COL8A1: variants seen among roughly 807,000 people sequenced by gnomAD.
COL8A1 encodes collagen type VIII alpha 1 chain.
In COL8A1, 21 loss-of-function variants were observed where a neutral mutation model predicts 42.7. That is an observed-to-expected ratio of 0.49 (90% CI 0.35 to 0.71). The LOEUF (loss-of-function observed/expected upper bound fraction) is 0.71. COL8A1 is among the 30% of genes least tolerant of loss of function. COL8A1 has a pLI of 0.01. For missense variants in COL8A1, 788 were observed against 962.4 expected (o/e 0.82, Z 2.40); for synonymous variants, 367 against 369.1 (o/e 0.99, Z 0.06).
At chr3:99,662,600 A>C (rs1938242137) in intron 1 of COL8A1, among the ~76,000 whole-genome samples, 2 of 152,190 alleles carry the variant, frequency 1.3e-5, no homozygotes, top group Admixed American at 6.5e-5. Flanking sequence ...TATAATGACT[A>C]TCAGATTACT....
At chr3:99,719,828 C>T (rs1036387866) in intron 1 of COL8A1, among the ~76,000 whole-genome samples, 1 of 152,024 alleles carries the variant, frequency 6.6e-6, no homozygotes, top group African/African-American at 2.4e-5. Context: ...GGGACCTGGA[C>T]TTAGATTCTA....
chr3:99,785,993 A>T (rs1334385530), intron 2 of COL8A1, among the ~76,000 whole-genome samples: 2 of 152,130 alleles, frequency 1.3e-5, no homozygotes, highest in African/African-American at 4.8e-5. Flanking sequence ...AGAATTCAAA[A>T]TGAGGTCAGG....
chr3:99,772,735 C>A (rs1296698265), intron 2 of COL8A1, among the ~76,000 whole-genome samples: 2 of 152,118 alleles, frequency 1.3e-5, no homozygotes, highest in African/African-American at 4.8e-5. Flanking sequence ...CCCCAAGCAG[C>A]ATGATGGGGA....
chr3:99,670,162 A>G (rs2107311962), intron 1 of COL8A1, among the ~76,000 whole-genome samples: 1 of 152,256 alleles, frequency 6.6e-6, no homozygotes, highest in East Asian at 1.9e-4. Flanking sequence ...ACAAGGTAGC[A>G]TTAAACTGAC....
chr3:99,672,388 G>C (rs1337698875), intron 1 of COL8A1, among the ~76,000 whole-genome samples: 1 of 151,716 alleles, frequency 6.6e-6, no homozygotes, highest in East Asian at 1.9e-4. Flanking sequence ...AACTTCTCCT[G>C]TATTTTCCAT....
In COL8A1 at chr3:99,747,801, C is replaced by T. The variant is rs58938200; in HGVS notation, c.-4+2780C>T. Among the ~76,000 whole-genome samples, 516 of 152,260 alleles carry T rather than the reference C, an allele frequency of 3.4e-3. 5 individuals carry two copies. The highest frequency in any genetic ancestry group is 0.012 in the African/African-American group (492 of 41,554). On this transcript the variant is annotated intron_variant, in intron 2 of 3. Coordinates refer to ENST00000652472, the MANE Select transcript of COL8A1 (RefSeq NM_020351.4). Reference sequence around the variant, plus strand: ...ACTTGTTACTGCCACTGTCTTCCTTCCTCAATTTTTTAAAATAAAAAGACT... The same window carrying T: ...ACTTGTTACTGCCACTGTCTTCCTTTCTCAATTTTTTAAAATAAAAAGACT...
chr3:99,795,576 C>T lies in COL8A1; in HGVS notation c.1675C>T (p.Pro559Ser), dbSNP rs764448644. 5 of 1,609,974 alleles carry T rather than the reference C, an allele frequency of 3.1e-6. No homozygotes were observed. The highest frequency in any genetic ancestry group is 4.2e-6 in the Non-Finnish European group (5 of 1,177,750). Residue 559 changes from proline to serine, a missense_variant, in exon 4 of 4, where the codon CCA becomes TCA. Around this residue, in one of 4 missense-constraint regions of COL8A1, gnomAD observed 154 missense variants for 182.3 expected, o/e 0.84. Coordinates refer to ENST00000652472, the MANE Select transcript of COL8A1 (RefSeq NM_020351.4). ...ALGPQGQPGLPGPPGPPGPPG... is the reference protein window; with the variant it reads ...ALGPQGQPGLSGPPGPPGPPG... ...TGGTCCTCAAGGCCAGCCTGGCCTT[C>T]CAGGACCCCCAGGCCCTCCAGGACC...
intron 1 of COL8A1, among the ~76,000 whole-genome samples, chr3:99,656,925 C>T (rs774402280): frequency 2.6e-5 from 4 of 152,202 alleles, no homozygotes; most frequent in Non-Finnish European, 5.9e-5. Context: ...CATTGAAGCC[C>T]TTTTGTGTTG....
At chr3:99,754,299 A>C (rs1345496606) in intron 2 of COL8A1, among the ~76,000 whole-genome samples, 1 of 152,244 alleles carries the variant, frequency 6.6e-6, no homozygotes, top group Non-Finnish European at 1.5e-5. Flanking sequence ...CATAGTTTAC[A>C]TAGCTATGTA....
intron 1 of COL8A1, among the ~76,000 whole-genome samples, chr3:99,725,760 C>A (rs1324375718): frequency 6.6e-6 from 1 of 151,972 alleles, no homozygotes. Context: ...TTTTTTATGG[C>A]TGCATACTAT....
chr3:99,680,228 G>C (rs1219729197), intron 1 of COL8A1: 1 of 151,324 alleles, frequency 6.6e-6, no homozygotes, highest in East Asian at 1.9e-4. Flanking sequence ...TCCCACCTAT[G>C]AGTGAGAACA....
At chr3:99,769,951 A>G (rs536393080) in intron 2 of COL8A1, among the ~76,000 whole-genome samples, 1 of 152,286 alleles carries the variant, frequency 6.6e-6, no homozygotes, top group South Asian at 2.1e-4. Flanking sequence ...TTGACAAGAG[A>G]AAATCATACA....
chr3:99,695,601 C>CG (rs1939342962), intron 1 of COL8A1, among the ~76,000 whole-genome samples: 3 of 151,738 alleles, frequency 2.0e-5, no homozygotes, highest in African/African-American at 7.3e-5. Flanking sequence ...TCTCTCTCTC[C>CG]GTCTTTCCCT....
intron 1 of COL8A1, among the ~76,000 whole-genome samples, chr3:99,734,827 G>T (rs1348721172): frequency 6.6e-6 from 1 of 152,036 alleles, no homozygotes; most frequent in African/African-American, 2.4e-5. Context: ...TTATTTCCTT[G>T]AGAAGTGGTT....
At chr3:99,773,815 G>GTATATATATATATATATATA (rs1553682062) in intron 2 of COL8A1, among the ~76,000 whole-genome samples, 17 of 35,910 alleles carry the variant, frequency 4.7e-4, no homozygotes, top group Non-Finnish European at 7.0e-4. Flanking sequence ...ATATATGTGT[G>GTATATATATATATATATATA]TATATATATA....
At position 99,738,712 on chromosome 3, in the gene COL8A1, C is replaced by T. The variant is rs560090371; in HGVS notation, c.-128-6185C>T. Among the ~76,000 whole-genome samples the T allele has an allele frequency of 3.8e-3, 578 of 150,350 alleles. 5 individuals are homozygous for T. The highest frequency in any genetic ancestry group is 0.014 in the African/African-American group (553 of 40,950). ...GCCCTGCCCCCAGAGGTGGAGCCTA[C>T]AGAGGCAGGCAGGCCTCCTTGAGCT... is the stretch of plus-strand genomic sequence containing the variant. On this transcript the variant is annotated intron_variant, in intron 1 of 3. Transcript: ENST00000652472.
At chr3:99,700,625 T>C (rs1939510148) in intron 1 of COL8A1, among the ~76,000 whole-genome samples, 1 of 152,226 alleles carries the variant, frequency 6.6e-6, no homozygotes, top group South Asian at 2.1e-4. Flanking sequence ...CTCCTAATTC[T>C]GCCAAACCCA....
In COL8A1 at chr3:99,763,186, C is replaced by T. The variant is rs1485116526; in HGVS notation, c.-4+18165C>T. Among the ~76,000 whole-genome samples, 3 of 152,130 alleles carry T rather than the reference C, an allele frequency of 2.0e-5. No individual in the cohort carries two copies. In the East Asian group the frequency reaches 5.8e-4, roughly 29 times the overall value. On this transcript the variant is annotated intron_variant, in intron 2 of 3. Coordinates refer to ENST00000652472, the MANE Select transcript of COL8A1 (RefSeq NM_020351.4). Reference sequence around the variant, plus strand: ...TCCAAAGCCAATGAAGAAACAGAGCCTGTTATATATTCCAAAGGAGACATC... The same window carrying T: ...TCCAAAGCCAATGAAGAAACAGAGCTTGTTATATATTCCAAAGGAGACATC...
At chr3:99,662,373 C>A (rs1938233608) in intron 1 of COL8A1, among the ~76,000 whole-genome samples, 1 of 118,700 alleles carries the variant, frequency 8.4e-6, no homozygotes, top group African/African-American at 2.9e-5. Flanking sequence ...CAGGGCGAGA[C>A]TTTGTCTCAA....
Sources: gnomAD v4.1 joint callset for allele counts (sites outside exome capture counted in the v4.1 genomes callset) on GRCh38, gnomAD v4.1.1 for gene constraint, gnomAD v4.1.1 regional missense constraint, MANE v1.5 for transcripts, NCBI Gene and HGNC (gene_info 2026-07-23, HGNC 2026-07-21) for gene names.